The following ABCB5 variants were observed in gnomAD, a reference collection of about 807,000 sequenced individuals.
ABCB5 encodes ATP-binding cassette sub-family B member 5.
A neutral mutation model predicts 144.2 loss-of-function variants in ABCB5; 155 were observed. That is an observed-to-expected ratio of 1.08 (90% CI 0.94 to 1.23). The LOEUF (loss-of-function observed/expected upper bound fraction) is 1.23. Ranked by LOEUF, ABCB5 falls within the 50% of genes most tolerant of loss-of-function variation. The pLI is 0.00. For missense variants in ABCB5, 1,830 were observed against 1,520.8 expected (o/e 1.20, Z -3.38); for synonymous variants, 610 against 528.6 (o/e 1.15, Z -2.11).
At chr7:20,751,584 T>C (rs1344085899) in intron 26 of ABCB5, among the ~76,000 whole-genome samples, 1 of 152,222 alleles carries the variant, frequency 6.6e-6, no homozygotes, top group Non-Finnish European at 1.5e-5. Flanking sequence ...AAGTGATTCC[T>C]AGTTTTGTAT....
intron 10 of ABCB5, 150 bp downstream of exon 10, chr7:20,647,798 T>C (rs1784455517): frequency 7.6e-7 from 1 of 1,315,614 alleles, no homozygotes; most frequent in Non-Finnish European, 1.0e-6. Flanking sequence ...CTTTAATTCT[T>C]TTCTAAGAGG....
intron 16 of ABCB5, among the ~76,000 whole-genome samples, chr7:20,688,980 G>C (rs906380728): frequency 7.9e-5 from 12 of 151,490 alleles, no homozygotes; most frequent in African/African-American, 2.4e-4. Flanking sequence ...GGTGGGGAGA[G>C]GGGGGAGGGA....
chr7:20,650,491 T>A (rs1264768187), intron 12 of ABCB5, among the ~76,000 whole-genome samples: 1 of 152,076 alleles, frequency 6.6e-6, no homozygotes, highest in Admixed American at 6.6e-5. Flanking sequence ...CGTATTAACA[T>A]CTGTACCCAG....
intron 4 of ABCB5, among the ~76,000 whole-genome samples, chr7:20,630,865 C>T (rs539315218): frequency 6.6e-6 from 1 of 152,212 alleles, no homozygotes; most frequent in East Asian, 1.9e-4. Flanking sequence ...TCTTGTTGTT[C>T]AAGGCTTCGC....
chr7:20,746,247 G>A (rs999336361), intron 26 of ABCB5, among the ~76,000 whole-genome samples: 1 of 152,098 alleles, frequency 6.6e-6, no homozygotes, highest in African/African-American at 2.4e-5. Flanking sequence ...ACAGGCATGT[G>A]CCATCACGCC....
At chr7:20,670,564 T>A (rs904835511) in intron 14 of ABCB5, among the ~76,000 whole-genome samples, 4 of 152,186 alleles carry the variant, frequency 2.6e-5, no homozygotes, top group African/African-American at 9.7e-5. Flanking sequence ...GTGTGCTGTA[T>A]AAGCGAGGCT....
Position 20,634,822 on chromosome 7 carries a change from C to T in ABCB5, c.314+2709C>T, listed in dbSNP as rs564398369. Reference sequence around the variant, plus strand: ...CTAGATATTAGTTTTTTGTTGGTTGCATAGTTGGCAAATATTTTCTCCCAT... The same window carrying T: ...CTAGATATTAGTTTTTTGTTGGTTGTATAGTTGGCAAATATTTTCTCCCAT... On this transcript the variant is annotated intron_variant, in intron 5 of 27. Coordinates refer to ENST00000404938, the MANE Select transcript of ABCB5 (RefSeq NM_001163941.2). 1.2e-4 allele frequency among the ~76,000 whole-genome samples: 18 copies of T among 151,998 alleles called. No homozygotes were observed. In the East Asian group the frequency reaches 2.9e-3, roughly 24 times the overall value.
Position 20,643,450 on chromosome 7 carries a change from G to A in ABCB5, c.507-11G>A. 6.2e-7 allele frequency: 1 copy of A among 1,613,860 alleles called. No individual in the cohort carries two copies. Among genetic ancestry groups the A allele is most frequent in the Non-Finnish European group, 8.5e-7 (1 of 1,179,766 alleles). ...GTAAATGACCTAACTACATTTATTT[G>A]CTTGTTTCAGTGACATTGACAAAAT... is the stretch of plus-strand genomic sequence containing the variant. On this transcript the variant is annotated splice_polypyrimidine_tract_variant and intron_variant, in intron 6 of 27. Transcript: ENST00000404938.
chr7:20,671,504 G>C (rs1162950272), intron 14 of ABCB5, among the ~76,000 whole-genome samples: 3 of 152,082 alleles, frequency 2.0e-5, no homozygotes, highest in African/African-American at 7.2e-5. Context: ...GGCAACCACT[G>C]TTTTGCTTAC....
chr7:20,724,560 T>G (rs1490319118), intron 21 of ABCB5, among the ~76,000 whole-genome samples: 1 of 136,118 alleles, frequency 7.3e-6, no homozygotes, highest in East Asian at 2.1e-4. Flanking sequence ...ACCCAGGAGG[T>G]GGAGGTTGCA....
In ABCB5 at chr7:20,728,561, C is replaced by G. The variant is rs1465552219; in HGVS notation, c.2867+106C>G. 9.3e-6 allele frequency: 12 copies of G among 1,290,160 alleles called. No homozygotes were observed. The African/African-American group carries it at 1.8e-4, about 20-fold the overall frequency. 79.9% of individuals were successfully genotyped at this position (1,290,160 alleles called of 1,614,324 possible). A position where few individuals can be genotyped will look rare whatever the true frequency, so the allele number is the denominator to read the frequency against. On this transcript the variant is annotated intron_variant, in intron 23 of 27. Coordinates refer to ENST00000404938, the MANE Select transcript of ABCB5 (RefSeq NM_001163941.2). ...TTGAGGTCAGGAGTTTGAGATCAGC[C>G]TGACCAACATAATAAAACCCCATCT...
intron 14 of ABCB5, among the ~76,000 whole-genome samples, chr7:20,663,930 G>C (rs1785086916): frequency 6.6e-6 from 1 of 151,840 alleles, no homozygotes; most frequent in African/African-American, 2.4e-5. Flanking sequence ...TGGTCAGGCT[G>C]GTCTCGAACT....
At chr7:20,683,691 A>T (rs1326763994) in intron 15 of ABCB5, among the ~76,000 whole-genome samples, 1 of 152,220 alleles carries the variant, frequency 6.6e-6, no homozygotes, top group Non-Finnish European at 1.5e-5. Flanking sequence ...CCAATCAGAT[A>T]TAACAACACC....
intron 5 of ABCB5, among the ~76,000 whole-genome samples, chr7:20,634,519 T>G (rs1374875443): frequency 2.0e-5 from 3 of 152,084 alleles, no homozygotes; most frequent in African/African-American, 7.2e-5. Flanking sequence ...CCCCCAATAG[T>G]GTATAAGTGT....
chr7:20,699,763 C>A, intron 17 of ABCB5, 62 bp from the exon 18 acceptor site: 3 of 1,139,862 alleles, frequency 2.6e-6, no homozygotes, highest in Non-Finnish European at 3.8e-6. Context: ...CAGAAATTTT[C>A]ACTTTTTCTG....
chr7:20,663,975 C>G (rs1367112481), intron 14 of ABCB5, among the ~76,000 whole-genome samples: 2 of 151,560 alleles, frequency 1.3e-5, no homozygotes, highest in African/African-American at 4.9e-5. Flanking sequence ...CTCGGCCTCC[C>G]AAAGTGCTGG....
chr7:20,717,619 A>T (rs1320555680), intron 20 of ABCB5, among the ~76,000 whole-genome samples: 1 of 150,868 alleles, frequency 6.6e-6, no homozygotes, highest in East Asian at 2.0e-4. Flanking sequence ...ATTTATTTTT[A>T]GTAGAGATGA....
Position 20,745,296 on chromosome 7 carries a change from T to A in ABCB5, c.3287T>A (p.Val1096Asp). The A allele has an allele frequency of 6.2e-7, 1 of 1,614,060 alleles. No homozygotes were observed. The highest frequency in any genetic ancestry group is 1.1e-5 in the South Asian group (1 of 91,072). Residue 1096 changes from valine to aspartate, a missense_variant, in exon 26 of 28, where the codon GTT becomes GAT. Coordinates refer to ENST00000404938, the MANE Select transcript of ABCB5 (RefSeq NM_001163941.2). The part of the protein sequence containing the change: ...VQWLRSQIAI[V>D]PQEPVLFNCS... ...TGGCTCCGTTCCCAAATAGCAATCG[T>A]TCCTCAAGAGCCTGTGCTCTTCAAC...
In ABCB5 at chr7:20,739,122, C is replaced by T. The variant is rs202149032; in HGVS notation, c.3007C>T (p.Gln1003Ter). 29 of 1,601,064 alleles carry T rather than the reference C, an allele frequency of 1.8e-5. No homozygotes were observed. In the African/African-American group the frequency reaches 3.2e-4, roughly 18 times the overall value. Residue 1003 changes from glutamine (Q) to a stop codon, truncating the protein, a stop_gained, in exon 24 of 28, where the codon CAA becomes TAA. Transcript: ENST00000404938. LOFTEE classifies it high-confidence loss of function. ...GAAACCAAATATAGACAGCCGCAGT[C>T]AAGAAGGGAAAAAGCCAGTAAGCAC... ...EKKPNIDSRSQEGKKPDTCEG... is the reference protein window; with the variant it reads ...EKKPNIDSRS
Sources: allele counts gnomAD v4.1 joint callset (sites outside exome capture counted in the v4.1 genomes callset), GRCh38; gene constraint gnomAD v4.1.1; transcripts MANE v1.5; gene names NCBI Gene and HGNC (gene_info 2026-07-23, HGNC 2026-07-21).